Variants in RNF217 observed in about 807,000 individuals in gnomAD.
The protein encoded by RNF217 is ring finger protein 217, also known as E3 ubiquitin-protein ligase RNF217.
In RNF217, 31 loss-of-function variants were observed where a neutral mutation model predicts 57.8. The observed-to-expected ratio is 0.54, with a 90% CI of 0.40 to 0.72. The LOEUF (loss-of-function observed/expected upper bound fraction) is 0.72, where lower values mean the gene tolerates loss of function less well. Among genes scored for constraint, RNF217 ranks in the 30% least tolerant of loss-of-function variants. RNF217 has a pLI of 0.00. For synonymous variants in RNF217, 313 were observed against 294.0 expected, an observed-to-expected ratio of 1.06 and a Z score of -0.66; for missense variants, 696 against 708.3, an observed-to-expected ratio of 0.98 and a Z score of 0.20.
intron 2 of RNF217, among the ~76,000 whole-genome samples, chr6:125,051,579 T>C (rs1275207318): frequency 6.6e-6 from 1 of 152,062 alleles, no homozygotes; most frequent in East Asian, 1.9e-4. Context: ...ACACTGCTTT[T>C]GTTAAGGAAC....
intron 1 of RNF217, among the ~76,000 whole-genome samples, chr6:125,023,781 T>C (rs1370355180): frequency 6.6e-6 from 1 of 152,160 alleles, no homozygotes; most frequent in South Asian, 2.1e-4. Flanking sequence ...GCAATATGGA[T>C]GAACCTGGAG....
At position 124,962,502 on chromosome 6, in the gene RNF217, C is replaced by A; in HGVS notation, c.-43C>A. 1 of 1,058,172 alleles carries A rather than the reference C, an allele frequency of 9.5e-7. No individual in the cohort carries two copies. Among genetic ancestry groups the A allele is most frequent in the Non-Finnish European group, 1.2e-6 (1 of 855,314 alleles). The allele number at this position is 1,058,172 out of a possible 1,614,324, so 65.5% of individuals were successfully genotyped here. On this transcript the variant is annotated 5_prime_UTR_variant, in exon 1 of 6. Coordinates refer to ENST00000521654, the MANE Select transcript of RNF217 (RefSeq NM_001286398.3). This position sits in a 1 kb window ranked among gnomAD's most constrained non-coding sequence, Gnocchi z 4.6. The stretch of plus-strand genomic sequence containing the variant: ...TGCCCGCGGGCGCCGGGTGGGGGTC[C>A]CGGCGGCTGGATGGGCAGCGGCGGC...
intron 2 of RNF217, among the ~76,000 whole-genome samples, chr6:125,046,992 G>C (rs778978633): frequency 6.6e-6 from 1 of 152,012 alleles, no homozygotes. Context: ...GGTGTTGAAG[G>C]CTAACTGAAC....
intron 5 of RNF217, among the ~76,000 whole-genome samples, 164 bp downstream of exon 5, chr6:125,081,671 G>A (rs534145245): frequency 1.2e-4 from 18 of 152,214 alleles, no homozygotes; most frequent in Non-Finnish European, 1.9e-4. Context: ...TCAGAGGAGC[G>A]TGTTTCCTGT....
At chr6:124,980,986 C>T (rs528524233) in intron 1 of RNF217, among the ~76,000 whole-genome samples, 242 of 152,148 alleles carry the variant, frequency 1.6e-3, no homozygotes, top group South Asian at 1.7e-3. Flanking sequence ...AAACTCTGTA[C>T]GTTTGTTTAA....
intron 1 of RNF217, chr6:125,009,051 C>T (rs1458140634): frequency 2.3e-6 from 1 of 425,888 alleles, no homozygotes; most frequent in Non-Finnish European, 4.1e-6. Flanking sequence ...TTTTATATCA[C>T]TGGTTCATAG....
intron 1 of RNF217, among the ~76,000 whole-genome samples, chr6:125,011,568 GA>G (rs1297816459): frequency 6.6e-6 from 1 of 151,852 alleles, no homozygotes; most frequent in East Asian, 1.9e-4. Flanking sequence ...TAATTACTTG[GA>G]AAAAAATCAC....
chr6:125,082,954 T>C lies in RNF217; in HGVS notation c.*17T>C. ...CACTGGTAACATGCAGATGATTTCA[T>C]CCAGCTAAGCTGGTTGGAGTAGGAG... is the stretch of plus-strand genomic sequence containing the variant. On this transcript the variant is annotated 3_prime_UTR_variant, in exon 6 of 6. Transcript: ENST00000521654. The C allele has an allele frequency of 2.5e-6, 4 of 1,577,262 alleles. No individual in the cohort carries two copies. The South Asian group carries it at 4.7e-5, about 18-fold the overall frequency.
At chr6:125,026,844 A>G (rs916990632) in intron 1 of RNF217, among the ~76,000 whole-genome samples, 2 of 152,196 alleles carry the variant, frequency 1.3e-5, no homozygotes, top group Non-Finnish European at 2.9e-5. Context: ...AAAACAAATT[A>G]AAATGAACTG....
chr6:125,058,226 G>T, intron 3 of RNF217, 120 bp downstream of exon 3: 1 of 813,920 alleles, frequency 1.2e-6, no homozygotes, highest in Non-Finnish European at 1.7e-6. Flanking sequence ...AAAGAGTATT[G>T]CTCTTTTATT....
intron 1 of RNF217, among the ~76,000 whole-genome samples, chr6:125,005,565 A>AT (rs1354141944): frequency 6.6e-6 from 1 of 152,226 alleles, no homozygotes; most frequent in Non-Finnish European, 1.5e-5. Context: ...GAAGCTTCCT[A>AT]TAACAGCTCT....
intron 1 of RNF217, among the ~76,000 whole-genome samples, chr6:124,990,109 C>A (rs1396109883): frequency 6.6e-6 from 1 of 152,220 alleles, no homozygotes; most frequent in East Asian, 1.9e-4. Flanking sequence ...ACTCTATCCT[C>A]CTTGAAATAC....
intron 3 of RNF217, among the ~76,000 whole-genome samples, chr6:125,063,124 G>T (rs1263517085): frequency 2.0e-5 from 3 of 152,016 alleles, no homozygotes; most frequent in Non-Finnish European, 4.4e-5. Context: ...TTTGTTGGAG[G>T]TATCAGAATA....
rs1009345870 is a variant in RNF217, at chr6:125,087,641, T to C, written c.*4704T>C. ...TAACAGTGTTAGCAAATATGTGTCATCTCTTTAAATTTGGGAGGAATCAGA... is the reference window on the plus strand; with the variant it reads ...TAACAGTGTTAGCAAATATGTGTCACCTCTTTAAATTTGGGAGGAATCAGA... On this transcript the variant is annotated 3_prime_UTR_variant, in exon 6 of 6. Coordinates refer to ENST00000521654, the MANE Select transcript of RNF217 (RefSeq NM_001286398.3). 8.5e-5 allele frequency: 13 copies of C among 152,246 alleles called. No homozygotes were observed. Among genetic ancestry groups the C allele is most frequent in the African/African-American group, 2.9e-4 (12 of 41,552 alleles). The allele number at this position is 152,246 out of a possible 1,614,324, so 9.4% of individuals were successfully genotyped here.
At chr6:125,056,364 C>A (rs957030806) in intron 2 of RNF217, among the ~76,000 whole-genome samples, 1 of 152,056 alleles carries the variant, frequency 6.6e-6, no homozygotes, top group African/African-American at 2.4e-5. Flanking sequence ...ATAAATAATG[C>A]ATGTAATATA....
intron 1 of RNF217, among the ~76,000 whole-genome samples, chr6:124,983,195 G>C (rs1312211208): frequency 6.6e-6 from 1 of 152,096 alleles, no homozygotes; most frequent in African/African-American, 2.4e-5. Context: ...TTTATCTTAT[G>C]AGTGGGCCCA....
intron 1 of RNF217, among the ~76,000 whole-genome samples, chr6:125,037,885 C>A (rs982840362): frequency 1.3e-5 from 2 of 152,164 alleles, no homozygotes. Context: ...ACCTTGTAAA[C>A]TATCATGACC....
rs1783380853 is a variant in RNF217, at chr6:124,963,301, G to A, written c.757G>A (p.Asp253Asn). The change falls in exon 1 of 6, where the codon GAT becomes AAT. Residue 253 changes from aspartate (D) to asparagine (N), a missense_variant. Physicochemically the swap from Asp to Asn is conservative, Grantham distance 23. Around this residue, in one of 2 missense-constraint regions of RNF217, gnomAD observed 465 missense variants for 386.8 expected, o/e 1.20. Transcript: ENST00000521654. ...CTACTCTGGCCTGGGCGGTGTAGGG[G>A]ATCCCTATGTGCCCCTCATGGTGCT... is the stretch of plus-strand genomic sequence containing the variant. The part of the protein sequence containing the change: ...PPYSGLGGVG[D>N]PYVPLMVLMC... 2.0e-6 allele frequency: 3 copies of A among 1,535,872 alleles called. No homozygotes were observed. The highest frequency in any genetic ancestry group is 2.7e-5 in the African/African-American group (2 of 73,160).
intron 1 of RNF217, among the ~76,000 whole-genome samples, chr6:124,992,835 A>C (rs1261621636): frequency 6.6e-6 from 1 of 152,148 alleles, no homozygotes; most frequent in East Asian, 1.9e-4. Flanking sequence ...ACTTTAAATA[A>C]ATTTAATAAA....
Sources: gnomAD v4.1 joint callset for allele counts (sites outside exome capture counted in the v4.1 genomes callset) on GRCh38, gnomAD v4.1.1 for gene constraint, gnomAD v4.1.1 regional missense constraint, Gnocchi (gnomAD v3.1) non-coding constraint, MANE v1.5 for transcripts, NCBI Gene and HGNC (gene_info 2026-07-23, HGNC 2026-07-21) for gene names.